The following FAM78B variants were observed in gnomAD, a reference collection of about 807,000 sequenced individuals.
FAM78B encodes the protein protein FAM78B.
In FAM78B, 10 loss-of-function variants were observed where a neutral mutation model predicts 20.0. The ratio of observed to expected loss-of-function variants is 0.50; its 90% CI spans 0.31 to 0.85. The LOEUF is 0.85. FAM78B is among the 40% of genes least tolerant of loss of function. FAM78B has a pLI of 0.05. For synonymous variants in FAM78B, 135 were observed against 132.8 expected (o/e 1.02, Z -0.12); for missense variants, 283 against 345.0 (o/e 0.82, Z 1.42).
chr1:166,130,030 C>A (rs1013601437), intron 1 of FAM78B, among the ~76,000 whole-genome samples: 1 of 152,210 alleles, frequency 6.6e-6, no homozygotes, highest in African/African-American at 2.4e-5. Context: ...CAGGCTATAC[C>A]AGCCTATCTC....
At chr1:166,138,621 C>G (rs1011319394) in intron 1 of FAM78B, among the ~76,000 whole-genome samples, 3 of 152,186 alleles carry the variant, frequency 2.0e-5, no homozygotes, top group African/African-American at 7.2e-5. Context: ...GTCATTTAGT[C>G]TAAGCAGCCA....
downstream of FAM78B, among the ~76,000 whole-genome samples, chr1:166,067,234 G>C (rs1311041441): frequency 6.6e-6 from 1 of 152,134 alleles, no homozygotes; most frequent in Non-Finnish European, 1.5e-5. Context: ...TGGCTCTTCA[G>C]CTGGCTAGGT....
At chr1:166,136,287 T>G (rs1655060964) in intron 1 of FAM78B, among the ~76,000 whole-genome samples, 1 of 152,164 alleles carries the variant, frequency 6.6e-6, no homozygotes, top group Non-Finnish European at 1.5e-5. Context: ...AGCATGGCTT[T>G]TTCCAAGAAG....
intron 1 of FAM78B, among the ~76,000 whole-genome samples, chr1:166,094,003 C>CTGTGTGTGTGTG (rs58213930): frequency 0.012 from 1,536 of 125,432 alleles, 14 homozygotes; most frequent in Middle Eastern, 0.025. Flanking sequence ...TTGCGAATGA[C>CTGTGTGTGTGTG]TGTGTGTGTG....
chr1:166,132,386 TG>T (rs1654908596), intron 1 of FAM78B, among the ~76,000 whole-genome samples: 2 of 152,200 alleles, frequency 1.3e-5, no homozygotes, highest in South Asian at 4.1e-4. Context: ...GGGAAAGTCA[TG>T]TAATTTTTAT....
chr1:166,109,832 G>GTGTATATATATATATATATATATATATA (rs1274970278), intron 1 of FAM78B, among the ~76,000 whole-genome samples: 1 of 28,274 alleles, frequency 3.5e-5, no homozygotes, highest in Non-Finnish European at 7.5e-5. Flanking sequence ...ATATATATAT[G>GTGTATATATATATATATATATATATATA]TATATATGTA....
intron 1 of FAM78B, among the ~76,000 whole-genome samples, chr1:166,084,139 C>CAA: frequency 6.6e-6 from 1 of 151,554 alleles, no homozygotes. Flanking sequence ...ATTCTTTTCA[C>CAA]AAAGAGCACC....
intron 1 of FAM78B, among the ~76,000 whole-genome samples, chr1:166,111,683 T>C (rs1156706796): frequency 6.6e-6 from 1 of 152,232 alleles, no homozygotes; most frequent in Non-Finnish European, 1.5e-5. Context: ...GTAAGTGGAC[T>C]GGGATGCCCT....
intron 1 of FAM78B, among the ~76,000 whole-genome samples, chr1:166,092,031 C>CT (rs1653094104): frequency 2.1e-5 from 1 of 47,826 alleles, no homozygotes; most frequent in Admixed American, 3.8e-4. Context: ...ATTGAGCCAT[C>CT]ATTTTTTTTT....
At chr1:166,080,249 A>G (rs1652510157) in intron 1 of FAM78B, among the ~76,000 whole-genome samples, 1 of 152,188 alleles carries the variant, frequency 6.6e-6, no homozygotes, top group East Asian at 1.9e-4. Context: ...CAGTTGTTAA[A>G]ATATTCAAAC....
chr1:166,160,952 G>A (rs1248429150), intron 1 of FAM78B, among the ~76,000 whole-genome samples: 2 of 152,208 alleles, frequency 1.3e-5, no homozygotes, highest in African/African-American at 4.8e-5. Context: ...TGAGATCAGG[G>A]ATAGCCTCTC....
chr1:166,135,661 A>G (rs1320759807), intron 1 of FAM78B, among the ~76,000 whole-genome samples: 3 of 152,220 alleles, frequency 2.0e-5, no homozygotes, highest in African/African-American at 7.2e-5. Flanking sequence ...CAGGTGGGGA[A>G]AAGGAGAAAG....
intron 1 of FAM78B, among the ~76,000 whole-genome samples, chr1:166,114,889 T>A (rs1419594684): frequency 6.6e-6 from 1 of 152,198 alleles, no homozygotes; most frequent in African/African-American, 2.4e-5. Context: ...TGCATGTGTA[T>A]CCTGGGGCCT....
intron 1 of FAM78B, among the ~76,000 whole-genome samples, chr1:166,147,478 G>A (rs1655505295): frequency 6.6e-6 from 1 of 152,180 alleles, no homozygotes; most frequent in Non-Finnish European, 1.5e-5. Context: ...AAGTCTGCCT[G>A]GAGAAGGCTG....
chr1:166,152,267 C>T (rs1417567209), intron 1 of FAM78B, among the ~76,000 whole-genome samples: 3 of 152,172 alleles, frequency 2.0e-5, no homozygotes, highest in African/African-American at 7.2e-5. Context: ...TTGTTGTTCT[C>T]AGGTGTCAGG....
Position 166,070,131 on chromosome 1 carries a change from C to A in FAM78B, c.*110G>T. 1 of 1,406,888 alleles carries A rather than the reference C, an allele frequency of 7.1e-7. No homozygotes were observed. The allele number at this position is 1,406,888 out of a possible 1,614,324, so 87.2% of individuals were successfully genotyped here. On this transcript the variant is annotated 3_prime_UTR_variant, in exon 2 of 2. Coordinates refer to ENST00000354422, the MANE Select transcript of FAM78B (RefSeq NM_001017961.5). ...AAAAGTGGCTGCAAAGGCTGGCAAA[C>A]CGAGAGGTCTGCTTTGGCTCAGAAA...
At chr1:166,126,415 G>A (rs1360709688) in intron 1 of FAM78B, among the ~76,000 whole-genome samples, 1 of 152,214 alleles carries the variant, frequency 6.6e-6, no homozygotes, top group Non-Finnish European at 1.5e-5. Context: ...CATGTAGTAG[G>A]TTAGGGAGAA....
At chr1:166,162,482 G>A (rs541669232) in intron 1 of FAM78B, among the ~76,000 whole-genome samples, 1 of 152,210 alleles carries the variant, frequency 6.6e-6, no homozygotes, top group Non-Finnish European at 1.5e-5. Flanking sequence ...AGCTATTGCT[G>A]GTTTTCCCTG....
chr1:166,137,176 G>A (rs1297357105), intron 1 of FAM78B, among the ~76,000 whole-genome samples: 1 of 152,204 alleles, frequency 6.6e-6, no homozygotes, highest in Admixed American at 6.5e-5. Flanking sequence ...AGCTAGTTGA[G>A]GAATGGCAAG....
Sources: allele counts gnomAD v4.1 joint callset (sites outside exome capture counted in the v4.1 genomes callset), GRCh38; gene constraint gnomAD v4.1.1; transcripts MANE v1.5; gene names NCBI Gene and HGNC (gene_info 2026-07-23, HGNC 2026-07-21).